IL7: variants seen among roughly 807,000 people sequenced by gnomAD.
IL7 encodes interleukin 7.
Under a neutral mutation model 21.6 loss-of-function variants are expected in IL7, and 3 were observed. The ratio of observed to expected loss-of-function variants is 0.14; its 90% CI spans 0.06 to 0.36. The LOEUF (loss-of-function observed/expected upper bound fraction) is 0.36, where lower values mean the gene tolerates loss of function less well. IL7 is among the 10% of genes least tolerant of loss of function. IL7 has a pLI of 1.00. For synonymous variants in IL7, 62 were observed against 68.1 expected (o/e 0.91, Z 0.44); for missense variants, 175 against 200.2 (o/e 0.87, Z 0.76).
intron 2 of IL7, among the ~76,000 whole-genome samples, chr8:78,748,568 A>G (rs1400814273): frequency 6.6e-6 from 1 of 152,338 alleles, no homozygotes; most frequent in Non-Finnish European, 1.5e-5. Context: ...AAGCCTAACT[A>G]TGGTAAGCTG....
intron 2 of IL7, chr8:78,761,738 C>A: frequency 6.2e-7 from 1 of 1,611,950 alleles, no homozygotes; most frequent in Non-Finnish European, 8.5e-7. Flanking sequence ...TGTTTTTGAA[C>A]AAAACAACGT....
downstream of IL7, among the ~76,000 whole-genome samples, chr8:78,675,215 G>A (rs773249827): frequency 6.6e-6 from 1 of 151,378 alleles, no homozygotes; most frequent in Non-Finnish European, 1.5e-5. Flanking sequence ...CCATTTACTA[G>A]TCCACTGACT....
rs371397980 is a variant in IL7 at position 78,736,459 on chromosome 8, T to C, written c.414+15A>G. 1.6e-5 allele frequency: 24 copies of C among 1,545,962 alleles called. No homozygotes were observed. In the African/African-American group the frequency reaches 3.0e-4, roughly 19 times the overall value. ...ACCTGATGAACCATAAGGAAAATTA[T>C]ACAATTATTCTCACCAAACTCTTTG... On this transcript the variant is annotated intron_variant, in intron 5 of 5. Transcript: ENST00000263851.
At chr8:78,687,289 G>A (rs1810014957) in intron 3 of IL7, among the ~76,000 whole-genome samples, 1 of 151,324 alleles carries the variant, frequency 6.6e-6, no homozygotes, top group Admixed American at 6.6e-5. Context: ...CTCTAGATTG[G>A]GATTTATTTT....
At chr8:78,770,958 G>C (rs1812929675) in intron 2 of IL7, among the ~76,000 whole-genome samples, 1 of 151,972 alleles carries the variant, frequency 6.6e-6, no homozygotes, top group Non-Finnish European at 1.5e-5. Context: ...TGTGTGTTCT[G>C]TAATAAACTC....
intron 3 of IL7, among the ~76,000 whole-genome samples, chr8:78,711,641 C>T (rs1325441503): frequency 6.6e-6 from 1 of 151,972 alleles, no homozygotes; most frequent in African/African-American, 2.4e-5. Context: ...GAAGAAAAAT[C>T]ATTTGTGAAT....
At chr8:78,758,905 G>A (rs746358409) in intron 2 of IL7, among the ~76,000 whole-genome samples, 5 of 151,862 alleles carry the variant, frequency 3.3e-5, no homozygotes, top group Non-Finnish European at 2.9e-5. Flanking sequence ...TTCACAAGAA[G>A]GAAGAATTTT....
At chr8:78,730,592 C>CCAT (rs75796055), downstream of IL7, among the ~76,000 whole-genome samples, 4 of 151,764 alleles carry the variant, frequency 2.6e-5, no homozygotes, top group East Asian at 5.8e-4. Flanking sequence ...GCTATCATAC[C>CCAT]CATCTTTAAG....
At chr8:78,789,458 C>A (rs183237783) in intron 2 of IL7, among the ~76,000 whole-genome samples, 114 of 152,256 alleles carry the variant, frequency 7.5e-4, no homozygotes, top group Non-Finnish European at 1.2e-3. Context: ...CAATATTTGG[C>A]TAGAATTTGA....
rs148536246 is a variant in IL7 at position 78,779,432 on chromosome 8, A to C, written c.147+18640T>G. Among the ~76,000 whole-genome samples the C allele has an allele frequency of 5.0e-3, 760 of 152,244 alleles. 10 individuals carry two copies. Among genetic ancestry groups the C allele is most frequent in the African/African-American group, 0.018 (733 of 41,534 alleles). ...TTCCATCAATATCTAGTTTATTGAG[A>C]GTTTTTAACATGGGGGGATGTTGAA... On this transcript the variant is annotated intron_variant, in intron 2 of 5. Transcript: ENST00000263851.
At chr8:78,686,575 C>T in intron 3 of IL7, 1 of 1,535,050 alleles carries the variant, frequency 6.5e-7, no homozygotes, top group African/African-American at 1.4e-5. Context: ...GGGTGGCAAA[C>T]TTCCTCCTCC....
chr8:78,693,711 T>C (rs2130523881), intron 3 of IL7, among the ~76,000 whole-genome samples: 1 of 152,334 alleles, frequency 6.6e-6, no homozygotes, highest in South Asian at 2.1e-4. Flanking sequence ...TAGTTTCTTC[T>C]GCTGTGCAGA....
downstream of IL7, chr8:78,715,384 T>A: frequency 6.8e-7 from 1 of 1,471,204 alleles, no homozygotes; most frequent in Non-Finnish European, 9.2e-7. Flanking sequence ...TATGATAGTT[T>A]TCCAAGGACC....
intron 5 of IL7, among the ~76,000 whole-genome samples, chr8:78,735,241 C>A (rs1586051558): frequency 6.8e-6 from 1 of 146,246 alleles, no homozygotes. Context: ...TTGGTTTTAC[C>A]CCTGCATCCT....
chr8:78,786,344 C>G (rs926767656), intron 2 of IL7, among the ~76,000 whole-genome samples: 4 of 152,030 alleles, frequency 2.6e-5, no homozygotes, highest in Non-Finnish European at 5.9e-5. Flanking sequence ...AGAACAGGTA[C>G]AGTAAAAATA....
At chr8:78,707,617 A>T (rs986416195) in intron 3 of IL7, among the ~76,000 whole-genome samples, 3 of 152,232 alleles carry the variant, frequency 2.0e-5, no homozygotes, top group Non-Finnish European at 2.9e-5. Flanking sequence ...TGAAGAATAC[A>T]TATTTTTTGG....
intron 3 of IL7, among the ~76,000 whole-genome samples, chr8:78,722,798 A>G (rs936411036): frequency 5.3e-5 from 8 of 151,974 alleles, no homozygotes; most frequent in Non-Finnish European, 1.0e-4. Context: ...AGCAAAATAG[A>G]ACATTGTCAC....
At chr8:78,705,528 G>T (rs1031928845) in intron 3 of IL7, among the ~76,000 whole-genome samples, 1 of 152,202 alleles carries the variant, frequency 6.6e-6, no homozygotes, top group Non-Finnish European at 1.5e-5. Context: ...GACTCCAGTT[G>T]GGAGGCTCCA....
intron 3 of IL7, among the ~76,000 whole-genome samples, chr8:78,696,333 C>T (rs1028654243): frequency 6.6e-6 from 1 of 152,116 alleles, no homozygotes; most frequent in African/African-American, 2.4e-5. Context: ...CGTGCCCAGC[C>T]CGTTAAAACC....
Sources: allele counts gnomAD v4.1 joint callset (sites outside exome capture counted in the v4.1 genomes callset), GRCh38; gene constraint gnomAD v4.1.1; transcripts MANE v1.5; gene names NCBI Gene and HGNC (gene_info 2026-07-23, HGNC 2026-07-21).